CLINT1: variants seen among roughly 807,000 people sequenced by gnomAD.
The protein encoded by CLINT1 is clathrin interactor 1.
In CLINT1, 15 loss-of-function variants were observed where a neutral mutation model predicts 70.4. The ratio of observed to expected loss-of-function variants is 0.21; its 90% CI spans 0.14 to 0.33. The LOEUF (loss-of-function observed/expected upper bound fraction) is 0.33. Ranked by LOEUF, CLINT1 falls within the 10% of genes least tolerant of loss-of-function variation. The pLI is 1.00. For missense variants in CLINT1, 615 were observed against 778.1 expected, an observed-to-expected ratio of 0.79 and a Z score of 2.49; for synonymous variants, 227 against 254.7, an observed-to-expected ratio of 0.89 and a Z score of 1.04.
intron 1 of CLINT1, among the ~76,000 whole-genome samples, chr5:157,839,338 C>T (rs1446273741): frequency 4.6e-5 from 7 of 151,812 alleles, no homozygotes; most frequent in Admixed American, 2.6e-4. Context: ...CGGCGGCTTA[C>T]GCCTGCAATC....
chr5:157,840,093 G>T (rs559426889), intron 1 of CLINT1, among the ~76,000 whole-genome samples: 1 of 146,860 alleles, frequency 6.8e-6, no homozygotes, highest in South Asian at 2.1e-4. Flanking sequence ...TACTCAGGAG[G>T]TTAAGGCAGG....
In CLINT1 at chr5:157,787,902, G is replaced by A; in HGVS notation, c.1622C>T (p.Thr541Ile). Residue 541 changes from threonine to isoleucine, a missense_variant, in exon 12 of 12, where the codon ACT becomes ATT. Thr to Ile is a moderately conservative substitution (Grantham distance 89, BLOSUM62 -1). Transcript: ENST00000411809. ...PSNMLPVRPQ[T>I]NALIGGPMPM... is the part of the protein sequence containing the mutation. Reference sequence around the variant, plus strand: ...CATGGGTCCCCCTATCAAAGCATTAGTTTGGGGCCGGACAGGAAGCATGTT... The same window carrying A: ...CATGGGTCCCCCTATCAAAGCATTAATTTGGGGCCGGACAGGAAGCATGTT... 1 of 1,613,694 alleles carries A rather than the reference G, an allele frequency of 6.2e-7. No homozygotes were observed. Among genetic ancestry groups the A allele is most frequent in the Admixed American group, 1.7e-5 (1 of 59,954 alleles).
intron 6 of CLINT1, 131 bp downstream of exon 6, chr5:157,809,497 T>TAAAAA: frequency 4.0e-6 from 2 of 500,622 alleles, no homozygotes; most frequent in Non-Finnish European, 3.2e-6. Flanking sequence ...TGAAGTCTAT[T>TAAAAA]AAAAAAAAAA....
chr5:157,796,737 A>C (rs1253657246), intron 8 of CLINT1, among the ~76,000 whole-genome samples: 1 of 152,190 alleles, frequency 6.6e-6, no homozygotes, highest in Admixed American at 6.5e-5. Flanking sequence ...CCCCTTCTTA[A>C]TATATGGCCA....
chr5:157,837,413 C>T (rs72814522), intron 1 of CLINT1, among the ~76,000 whole-genome samples: 136 of 106,656 alleles, frequency 1.3e-3, no homozygotes, highest in African/African-American at 3.9e-3. Flanking sequence ...TATGTAAATA[C>T]ACACACACAC....
At chr5:157,845,633 G>C (rs1456606851) in intron 1 of CLINT1, among the ~76,000 whole-genome samples, 1 of 150,452 alleles carries the variant, frequency 6.6e-6, no homozygotes, top group Non-Finnish European at 1.5e-5. Flanking sequence ...CTCACTGCAA[G>C]CTCCGCCTCC....
rs189650610 is a variant in CLINT1 at position 157,802,778 on chromosome 5, T to G, written c.1012+872A>C. Among the ~76,000 whole-genome samples the G allele has an allele frequency of 2.3e-3, 352 of 152,266 alleles. 1 individual carries two copies. Among genetic ancestry groups the G allele is most frequent in the African/African-American group, 8.3e-3 (343 of 41,548 alleles). ...CCAGGCTGGTCTCGAACTCCTGATC[T>G]CAGGTGATCCACCTCCCTCGGCCTC... On this transcript the variant is annotated intron_variant, in intron 8 of 11. Transcript: ENST00000411809.
chr5:157,786,074 T>G lies in CLINT1; in HGVS notation c.*1572A>C, dbSNP rs556426022. On this transcript the variant is annotated 3_prime_UTR_variant, in exon 12 of 12. Transcript: ENST00000411809. ...ACATGAATTTCTGCCTAATTAGAAA[T>G]GTTGTAGATGGAACATTAGCAAGAA... is the stretch of plus-strand genomic sequence containing the variant. 2.6e-5 allele frequency: 4 copies of G among 152,328 alleles called. No homozygotes were observed. The East Asian group carries it at 7.7e-4, about 29-fold the overall frequency. The allele number at this position is 152,328 out of a possible 1,614,324, so 9.4% of individuals were successfully genotyped here. A position where few individuals can be genotyped will look rare whatever the true frequency, so the allele number is the denominator to read the frequency against.
At chr5:157,798,978 A>G (rs1378783717) in intron 8 of CLINT1, among the ~76,000 whole-genome samples, 1 of 152,096 alleles carries the variant, frequency 6.6e-6, no homozygotes, top group Non-Finnish European at 1.5e-5. Flanking sequence ...TTATCAAAAT[A>G]TATAAATAAA....
chr5:157,809,881 A>C, intron 5 of CLINT1, 76 bp from the exon 6 acceptor site: 2 of 1,364,194 alleles, frequency 1.5e-6, no homozygotes, highest in Non-Finnish European at 2.0e-6. Flanking sequence ...CTTATTTCTC[A>C]GGCTTTTCCT....
At chr5:157,818,542 G>A (rs1762789387) in intron 1 of CLINT1, among the ~76,000 whole-genome samples, 1 of 150,618 alleles carries the variant, frequency 6.6e-6, no homozygotes, top group African/African-American at 2.4e-5. Context: ...CCAGCTACTA[G>A]GGAGGCTGAG....
intron 1 of CLINT1, among the ~76,000 whole-genome samples, chr5:157,845,854 G>T (rs570121341): frequency 6.6e-6 from 1 of 152,046 alleles, no homozygotes; most frequent in Non-Finnish European, 1.5e-5. Context: ...ATGCCCGGCC[G>T]CATTTTAGTA....
rs1474921646 is a variant in CLINT1, at chr5:157,787,527, T to C, written c.*119A>G. The C allele has an allele frequency of 4.5e-6, 4 of 897,814 alleles. No individual in the cohort carries two copies. The highest frequency in any genetic ancestry group is 2.4e-5 in the East Asian group (1 of 41,000). 55.6% of individuals were successfully genotyped at this position (897,814 alleles called of 1,614,324 possible). A position where few individuals can be genotyped will look rare whatever the true frequency, so the allele number is the denominator to read the frequency against. Reference sequence around the variant, plus strand: ...ATAAAACAGCCTTTTTGGTTCTTTATGTAGATTTATTTTAATTACTTGATA... The same window carrying C: ...ATAAAACAGCCTTTTTGGTTCTTTACGTAGATTTATTTTAATTACTTGATA... On this transcript the variant is annotated 3_prime_UTR_variant, in exon 12 of 12. Transcript: ENST00000411809.
chr5:157,789,290 T>A, intron 11 of CLINT1, 73 bp downstream of exon 11: 1 of 1,245,782 alleles, frequency 8.0e-7, no homozygotes, highest in Non-Finnish European at 1.2e-6. Flanking sequence ...TTATTTATAG[T>A]TTGAAGTAGT....
chr5:157,835,538 T>C (rs1763390736), intron 1 of CLINT1, among the ~76,000 whole-genome samples: 1 of 152,084 alleles, frequency 6.6e-6, no homozygotes, highest in Non-Finnish European at 1.5e-5. Flanking sequence ...TTATGCAGTT[T>C]TCTTTCCCTC....
chr5:157,791,561 G>A (rs980406617), intron 10 of CLINT1, 142 bp downstream of exon 10: 15 of 759,092 alleles, frequency 2.0e-5, no homozygotes, highest in Non-Finnish European at 2.6e-5. Context: ...GTGCAAATGC[G>A]TATATATACA....
chr5:157,813,015 C>G lies in CLINT1; in HGVS notation c.517+48G>C, dbSNP rs780101747. ...ATTTCACTGATTCTTAAAATATACT[C>G]AAGAAGCTAAGCTGATGCTTAGGTG... On this transcript the variant is annotated intron_variant, in intron 5 of 11. Coordinates refer to ENST00000411809, the MANE Select transcript of CLINT1 (RefSeq NM_014666.4). 7.7e-6 allele frequency: 12 copies of G among 1,557,392 alleles called. No homozygotes were observed. The South Asian group carries it at 1.4e-4, about 18-fold the overall frequency.
At chr5:157,851,424 C>T (rs181538941) in intron 1 of CLINT1, among the ~76,000 whole-genome samples, 2 of 152,182 alleles carry the variant, frequency 1.3e-5, no homozygotes, top group African/African-American at 4.8e-5. Context: ...CACAGTGGCT[C>T]ACACCTGCAA....
intron 1 of CLINT1, among the ~76,000 whole-genome samples, chr5:157,831,966 G>T (rs1416160922): frequency 3.3e-5 from 5 of 151,946 alleles, no homozygotes; most frequent in African/African-American, 1.2e-4. Context: ...AAAGTGCTGG[G>T]ATTACAAGCG....
Sources: allele counts gnomAD v4.1 joint callset (sites outside exome capture counted in the v4.1 genomes callset), GRCh38; gene constraint gnomAD v4.1.1; transcripts MANE v1.5; gene names NCBI Gene and HGNC (gene_info 2026-07-23, HGNC 2026-07-21).